The following PAPPA2 variants were observed in gnomAD, a reference collection of about 807,000 sequenced individuals.
PAPPA2 encodes pappalysin 2.
PAPPA2 carries 86 observed loss-of-function variants against 176.4 expected under a neutral mutation model. That is an observed-to-expected ratio of 0.49 (90% CI 0.41 to 0.58). The LOEUF (loss-of-function observed/expected upper bound fraction) is 0.58, where lower values mean the gene tolerates loss of function less well. Ranked by LOEUF, PAPPA2 falls within the 20% of genes least tolerant of loss-of-function variation. The pLI, the probability that PAPPA2 is intolerant of heterozygous loss-of-function variation, is 0.00. For synonymous variants in PAPPA2, 809 were observed against 852.2 expected (o/e 0.95, Z 0.88); for missense variants, 2,073 against 2,256.9 (o/e 0.92, Z 1.65).
At chr1:176,527,502 C>A (rs1370807774) in intron 1 of PAPPA2, among the ~76,000 whole-genome samples, 1 of 152,200 alleles carries the variant, frequency 6.6e-6, no homozygotes, top group African/African-American at 2.4e-5. Context: ...CTGTCTTTTT[C>A]TCCCTGTATG....
chr1:176,476,281 G>A (rs916540102), intron 1 of PAPPA2, among the ~76,000 whole-genome samples: 1 of 152,178 alleles, frequency 6.6e-6, no homozygotes, highest in Non-Finnish European at 1.5e-5. Context: ...TGTCTGGAAT[G>A]CGTGTTCCAG....
chr1:176,639,257 A>G (rs1282468923), intron 3 of PAPPA2, among the ~76,000 whole-genome samples: 6 of 151,944 alleles, frequency 3.9e-5, no homozygotes, highest in African/African-American at 7.3e-5. Flanking sequence ...GTTAGGATAA[A>G]TGGAGACAAA....
At chr1:176,616,321 G>A (rs11803745) in intron 3 of PAPPA2, 21,621 of 543,908 alleles carry the variant, frequency 0.04, 624 homozygotes, top group Middle Eastern at 0.074. Context: ...AAGCGCAGCC[G>A]CATTTTAGGA....
intron 1 of PAPPA2, among the ~76,000 whole-genome samples, chr1:176,499,696 A>G: frequency 6.6e-6 from 1 of 152,284 alleles, no homozygotes. Flanking sequence ...ACAGAAAAGG[A>G]TTCTGAGGCC....
intron 14 of PAPPA2, among the ~76,000 whole-genome samples, chr1:176,762,547 A>C (rs1296814962): frequency 6.6e-6 from 1 of 152,218 alleles, no homozygotes; most frequent in Non-Finnish European, 1.5e-5. Context: ...TGTGGACCAG[A>C]GTATTAATGA....
intron 3 of PAPPA2, among the ~76,000 whole-genome samples, chr1:176,668,943 C>T (rs1441737297): frequency 6.6e-6 from 1 of 151,950 alleles, no homozygotes; most frequent in East Asian, 1.9e-4. Context: ...ATGAGGAGAA[C>T]CAGCTAATGA....
At chr1:176,815,003 G>A (rs941821115) in intron 21 of PAPPA2, among the ~76,000 whole-genome samples, 3 of 152,092 alleles carry the variant, frequency 2.0e-5, no homozygotes, top group African/African-American at 7.2e-5. Flanking sequence ...AGAGATACTG[G>A]ATTTTATTGA....
At chr1:176,805,630 T>G (rs189144520) in intron 21 of PAPPA2, among the ~76,000 whole-genome samples, 1 of 152,148 alleles carries the variant, frequency 6.6e-6, no homozygotes. Flanking sequence ...CTAGCAGTGA[T>G]ACTGCCTAAG....
chr1:176,689,250 G>T lies in PAPPA2; in HGVS notation c.2138-887G>T, dbSNP rs1237495420. Among the ~76,000 whole-genome samples, 9 of 152,222 alleles carry T rather than the reference G, an allele frequency of 5.9e-5. 1 individual carries two copies. The highest frequency in any genetic ancestry group is 1.3e-4 in the Non-Finnish European group (9 of 68,036). ...AATTAGGATTCCAACAAGCTACACAGATAGAAGTTGGGTCACTTAGAGATC... is the reference window on the plus strand; with the variant it reads ...AATTAGGATTCCAACAAGCTACACATATAGAAGTTGGGTCACTTAGAGATC... On this transcript the variant is annotated intron_variant, in intron 4 of 22. Coordinates refer to ENST00000367662, the MANE Select transcript of PAPPA2 (RefSeq NM_020318.3).
intron 1 of PAPPA2, among the ~76,000 whole-genome samples, chr1:176,481,292 A>ACACG (rs923087034): frequency 1.1e-4 from 14 of 123,274 alleles, no homozygotes. Flanking sequence ...ACACACACAC[A>ACACG]CACACACAGA....
At chr1:176,744,057 AC>A (rs1662798623) in intron 14 of PAPPA2, among the ~76,000 whole-genome samples, 1 of 152,152 alleles carries the variant, frequency 6.6e-6, no homozygotes, top group Non-Finnish European at 1.5e-5. Flanking sequence ...TGTGGTGTCA[AC>A]CTTTTATGCA....
At chr1:176,699,912 T>C (rs749911489) in intron 8 of PAPPA2, among the ~76,000 whole-genome samples, 1 of 152,214 alleles carries the variant, frequency 6.6e-6, no homozygotes, top group African/African-American at 2.4e-5. Flanking sequence ...ATTTAATTTC[T>C]GATTCTTTGC....
intron 1 of PAPPA2, among the ~76,000 whole-genome samples, chr1:176,530,027 TTC>T (rs961256251): frequency 8.5e-5 from 13 of 152,126 alleles, no homozygotes; most frequent in Non-Finnish European, 1.8e-4. Flanking sequence ...TTCACACACA[TTC>T]TCTCTCTTTC....
At chr1:176,731,673 A>ATG (rs565100078) in intron 12 of PAPPA2, among the ~76,000 whole-genome samples, 34 of 151,490 alleles carry the variant, frequency 2.2e-4, no homozygotes, top group African/African-American at 7.0e-4. Context: ...GTGTACATAT[A>ATG]TGTGTATATA....
At chr1:176,824,868 T>A (rs1337718085) in intron 21 of PAPPA2, among the ~76,000 whole-genome samples, 3 of 152,150 alleles carry the variant, frequency 2.0e-5, no homozygotes, top group Admixed American at 2.0e-4. Context: ...GTGATGCATG[T>A]CTGAAATGCT....
chr1:176,758,351 G>A (rs760531030), intron 14 of PAPPA2, among the ~76,000 whole-genome samples: 1 of 152,108 alleles, frequency 6.6e-6, no homozygotes, highest in Non-Finnish European at 1.5e-5. Flanking sequence ...AGCAGAATGG[G>A]GAGTCAGAAT....
chr1:176,703,836 A>T (rs1660764184), intron 9 of PAPPA2, among the ~76,000 whole-genome samples: 1 of 152,086 alleles, frequency 6.6e-6, no homozygotes, highest in Non-Finnish European at 1.5e-5. Flanking sequence ...TTGCTACCTA[A>T]CTCAGCCTGC....
intron 12 of PAPPA2, among the ~76,000 whole-genome samples, chr1:176,736,239 C>T (rs1359864443): frequency 6.6e-6 from 1 of 151,962 alleles, no homozygotes; most frequent in Non-Finnish European, 1.5e-5. Context: ...CAGCTTCCTA[C>T]TGTCAAACTG....
In PAPPA2 at chr1:176,769,709, A is replaced by G. The variant is rs1664136954; in HGVS notation, c.4426A>G (p.Asn1476Asp). The change falls in exon 16 of 23, where the codon AAC becomes GAC. Residue 1476 changes from asparagine (N) to aspartate (D), a missense_variant. Transcript: ENST00000367662. Reference sequence around the variant, plus strand: ...CGACCCGTCTTTGGTGAACTATGCAAACTTCTCCTGCTCAGAGGGAACCAA... The same window carrying G: ...CGACCCGTCTTTGGTGAACTATGCAGACTTCTCCTGCTCAGAGGGAACCAA... ...VPDPSLVNYANFSCSEGTKFL... is the reference protein window; with the variant it reads ...VPDPSLVNYADFSCSEGTKFL... 1 of 1,613,776 alleles carries G rather than the reference A, an allele frequency of 6.2e-7. No individual in the cohort carries two copies. Among genetic ancestry groups the G allele is most frequent in the African/African-American group, 1.3e-5 (1 of 74,852 alleles).
Sources: allele counts gnomAD v4.1 joint callset (sites outside exome capture counted in the v4.1 genomes callset), GRCh38; gene constraint gnomAD v4.1.1; transcripts MANE v1.5; gene names NCBI Gene and HGNC (gene_info 2026-07-23, HGNC 2026-07-21).